Variants in COG5 observed in about 807,000 individuals in gnomAD.
COG5 encodes the protein conserved oligomeric Golgi complex subunit 5.
COG5 carries 86 observed loss-of-function variants against 110.4 expected under a neutral mutation model. The ratio of observed to expected loss-of-function variants is 0.78; its 90% CI spans 0.65 to 0.93. COG5 has a LOEUF of 0.93. COG5 is among the 40% of genes least tolerant of loss of function. The pLI, the probability that COG5 is intolerant of heterozygous loss-of-function variation, is 0.00. For missense variants in COG5, 1,077 were observed against 987.0 expected (o/e 1.09, Z -1.22); for synonymous variants, 360 against 334.6 (o/e 1.08, Z -0.83).
intron 6 of COG5, among the ~76,000 whole-genome samples, chr7:107,437,114 A>G (rs1305089272): frequency 6.6e-6 from 1 of 152,176 alleles, no homozygotes; most frequent in African/African-American, 2.4e-5. Flanking sequence ...CATTCATTAA[A>G]TTGGGATCTC....
intron 11 of COG5, among the ~76,000 whole-genome samples, chr7:107,301,185 G>A (rs1426467167): frequency 3.3e-5 from 5 of 152,026 alleles, no homozygotes; most frequent in Admixed American, 3.3e-4. Flanking sequence ...AACATCTGAG[G>A]GAACTTTTCT....
intron 14 of COG5, among the ~76,000 whole-genome samples, chr7:107,270,914 A>G (rs1449085043): frequency 1.2e-4 from 8 of 66,984 alleles, no homozygotes; most frequent in Admixed American, 8.8e-4. Flanking sequence ...TTTTTTGTAG[A>G]GATGGGATCT....
At chr7:107,546,769 G>A (rs146542420) in intron 5 of COG5, among the ~76,000 whole-genome samples, 19 of 152,058 alleles carry the variant, frequency 1.2e-4, no homozygotes, top group Non-Finnish European at 2.1e-4. Flanking sequence ...CAACAAACTG[G>A]ATAACTTAGA....
At chr7:107,511,243 A>T (rs1563075026) in intron 6 of COG5, among the ~76,000 whole-genome samples, 1 of 152,210 alleles carries the variant, frequency 6.6e-6, no homozygotes, top group Non-Finnish European at 1.5e-5. Flanking sequence ...AATACAAACT[A>T]CCATCACAGA....
At chr7:107,204,228 A>C (rs1359329797) in intron 21 of COG5, among the ~76,000 whole-genome samples, 1 of 152,142 alleles carries the variant, frequency 6.6e-6, no homozygotes, top group African/African-American at 2.4e-5. Flanking sequence ...GATCTCATGG[A>C]TTAGGTTGGG....
chr7:107,307,842 C>A (rs1353422160), intron 11 of COG5, among the ~76,000 whole-genome samples: 3 of 152,046 alleles, frequency 2.0e-5, no homozygotes, highest in Non-Finnish European at 4.4e-5. Flanking sequence ...GTACAAAAAT[C>A]TCTGAAATCA....
intron 6 of COG5, among the ~76,000 whole-genome samples, chr7:107,415,796 G>A (rs1241431958): frequency 1.4e-4 from 18 of 126,104 alleles, no homozygotes; most frequent in Non-Finnish European, 1.8e-4. Context: ...ACGTATGTAT[G>A]TATGTGTGTA....
intron 7 of COG5, among the ~76,000 whole-genome samples, chr7:107,411,669 A>G (rs1792307365): frequency 6.6e-6 from 1 of 152,180 alleles, no homozygotes; most frequent in East Asian, 1.9e-4. Context: ...TACCTGATTC[A>G]GTTATATTTT....
At chr7:107,268,220 G>A (rs949137427) in intron 14 of COG5, among the ~76,000 whole-genome samples, 1 of 152,064 alleles carries the variant, frequency 6.6e-6, no homozygotes, top group African/African-American at 2.4e-5. Flanking sequence ...CGCCTGCCTC[G>A]GCCTCCCAAA....
chr7:107,379,930 T>G (rs573032950), intron 7 of COG5, among the ~76,000 whole-genome samples: 1 of 152,150 alleles, frequency 6.6e-6, no homozygotes, highest in South Asian at 2.1e-4. Context: ...GCGGACCTAA[T>G]AGTCATCTAC....
chr7:107,333,644 TA>T (rs1562972864), intron 10 of COG5, among the ~76,000 whole-genome samples: 2 of 152,152 alleles, frequency 1.3e-5, no homozygotes, highest in African/African-American at 4.8e-5. Context: ...TAAATACAGA[TA>T]AACACAAAGA....
chr7:107,361,718 C>T (rs373162403), intron 10 of COG5, among the ~76,000 whole-genome samples: 1 of 152,122 alleles, frequency 6.6e-6, no homozygotes, highest in Non-Finnish European at 1.5e-5. Context: ...TATGCCACCA[C>T]GCCCGGCTAA....
At chr7:107,514,525 C>T (rs1054324946) in intron 6 of COG5, among the ~76,000 whole-genome samples, 1 of 152,076 alleles carries the variant, frequency 6.6e-6, no homozygotes, top group Non-Finnish European at 1.5e-5. Flanking sequence ...ACTGGGAGAC[C>T]TACCAATAGC....
chr7:107,458,070 C>T (rs1795773592), intron 6 of COG5, among the ~76,000 whole-genome samples: 1 of 152,028 alleles, frequency 6.6e-6, no homozygotes, highest in African/African-American at 2.4e-5. Context: ...CATCAGAAAC[C>T]AAGCATGCCA....
intron 10 of COG5, among the ~76,000 whole-genome samples, chr7:107,347,978 T>C (rs1460568945): frequency 1.3e-5 from 2 of 151,182 alleles, no homozygotes; most frequent in African/African-American, 4.9e-5. Flanking sequence ...TACAAAAAAA[T>C]AGCTAGGGGT....
At chr7:107,411,949 T>C (rs1352334211) in intron 7 of COG5, among the ~76,000 whole-genome samples, 2 of 152,092 alleles carry the variant, frequency 1.3e-5, no homozygotes, top group Non-Finnish European at 2.9e-5. Flanking sequence ...TTTCTTCCAA[T>C]TCAGAAAATT....
rs377116061 is a variant in COG5 at position 107,474,049 on chromosome 7, T to C, written c.538+53188A>G. 6.9e-7 allele frequency: 1 copy of C among 1,456,790 alleles called. No homozygotes were observed. Among genetic ancestry groups the C allele is most frequent in the African/African-American group, 1.4e-5 (1 of 70,602 alleles). 90.2% of individuals were successfully genotyped at this position (1,456,790 alleles called of 1,614,324 possible). A position where few individuals can be genotyped will look rare whatever the true frequency, so the allele number is the denominator to read the frequency against. On this transcript the variant is annotated intron_variant, in intron 6 of 21. Coordinates refer to ENST00000297135, the MANE Select transcript of COG5 (RefSeq NM_006348.5). This position sits in a 1 kb window ranked among gnomAD's most constrained non-coding sequence, Gnocchi z 5.7. Reference sequence around the variant, plus strand: ...TCACTTTCTAGGGAAAAAAACCAACTGCTCCAAAAGAATGTGTTTTTCTCC... The same window carrying C: ...TCACTTTCTAGGGAAAAAAACCAACCGCTCCAAAAGAATGTGTTTTTCTCC...
chr7:107,443,685 CTAGTCT>C (rs1794851596), intron 6 of COG5, among the ~76,000 whole-genome samples: 1 of 151,936 alleles, frequency 6.6e-6, no homozygotes, highest in Admixed American at 6.6e-5. Context: ...TGTTAAAATC[CTAGTCT>C]TAATTTATGG....
intron 7 of COG5, among the ~76,000 whole-genome samples, chr7:107,389,654 G>A (rs1035272937): frequency 5.3e-5 from 8 of 152,108 alleles, no homozygotes; most frequent in Non-Finnish European, 1.2e-4. Context: ...TTAGACTGGA[G>A]CCCCCACGGC....
Sources: gnomAD v4.1 joint callset for allele counts (sites outside exome capture counted in the v4.1 genomes callset) on GRCh38, gnomAD v4.1.1 for gene constraint, Gnocchi (gnomAD v3.1) non-coding constraint, MANE v1.5 for transcripts, NCBI Gene and HGNC (gene_info 2026-07-23, HGNC 2026-07-21) for gene names.